SYNE2: variants seen among roughly 807,000 people sequenced by gnomAD.
SYNE2 encodes the protein spectrin repeat containing nuclear envelope protein 2.
A neutral mutation model predicts 856.3 loss-of-function variants in SYNE2; 431 were observed. The ratio of observed to expected loss-of-function variants is 0.50; its 90% confidence interval spans 0.47 to 0.55. The LOEUF (loss-of-function observed/expected upper bound fraction) is 0.55. SYNE2 is among the 20% of genes least tolerant of loss of function. The pLI is 0.00. For synonymous variants in SYNE2, 2,923 were observed against 2,872.3 expected, an observed-to-expected ratio of 1.02 and a Z score of -0.56; for missense variants, 8,129 against 8,023.2, an observed-to-expected ratio of 1.01 and a Z score of -0.50.
At chr14:64,186,872 G>A (rs1334866838) in intron 97 of SYNE2, among the ~76,000 whole-genome samples, 1 of 152,190 alleles carries the variant, frequency 6.6e-6, no homozygotes, top group Admixed American at 6.5e-5. Flanking sequence ...ACTGCTCTCT[G>A]GCTTGTGTAG....
At chr14:63,840,129 G>A (rs1889999733) in intron 1 of SYNE2, among the ~76,000 whole-genome samples, 1 of 152,162 alleles carries the variant, frequency 6.6e-6, no homozygotes, top group African/African-American at 2.4e-5. Context: ...AATTAGCCGG[G>A]CGTGGTGTCA....
intron 55 of SYNE2, among the ~76,000 whole-genome samples, chr14:64,080,044 C>CGTGTGTGT (rs112076744): frequency 2.0e-5 from 3 of 150,406 alleles, no homozygotes; most frequent in African/African-American, 7.3e-5. Flanking sequence ...ATTAAGAGAG[C>CGTGTGTGT]GTGTGTGTGT....
intron 62 of SYNE2, 30 bp downstream of exon 62, chr14:64,098,176 C>T (rs1595500225): frequency 6.2e-7 from 1 of 1,608,756 alleles, no homozygotes; most frequent in Non-Finnish European, 8.5e-7. Context: ...AATGCTGGCC[C>T]CACACTCCAC....
intron 2 of SYNE2, among the ~76,000 whole-genome samples, chr14:63,928,250 G>A (rs1332422539): frequency 3.9e-5 from 6 of 152,104 alleles, no homozygotes; most frequent in Non-Finnish European, 8.8e-5. Context: ...GAGATAGGGC[G>A]GTAGAGTATG....
In SYNE2 at chr14:64,065,488, C is replaced by T. The variant is rs35920722; in HGVS notation, c.10269C>T (p.Ile3423=). 9 of 1,614,010 alleles carry T rather than the reference C, an allele frequency of 5.6e-6. No individual in the cohort carries two copies. The highest frequency in any genetic ancestry group is 1.6e-4 in the Middle Eastern group (1 of 6,062). Residue 3423 remains isoleucine (I), a synonymous_variant, in exon 51 of 116, where the codon ATC becomes ATT. Coordinates refer to ENST00000555002, the MANE Select transcript of SYNE2 (RefSeq NM_182914.3). ...AAGAGTTAATGAAACTACGACAGAT[C>T]CTTAGACTCTTGAGACTCAGGTGCA... The part of the protein sequence containing the change: ...TKEELMKLRQ[I]LRLLRLRCTE...
chr14:64,101,943 G>C lies in SYNE2; in HGVS notation c.12393G>C (p.Glu4131Asp). 1.2e-6 allele frequency: 2 copies of C among 1,613,398 alleles called. No individual in the cohort carries two copies. Among genetic ancestry groups the C allele is most frequent in the Non-Finnish European group, 1.7e-6 (2 of 1,179,364 alleles). Residue 4131 changes from glutamate (E) to aspartate (D), a missense_variant, in exon 64 of 116, where the codon GAG (glutamate) becomes GAC (aspartate). Glu to Asp is a conservative substitution (Grantham distance 45). This residue lies in a region of SYNE2 where 5,410 missense variants were observed against 5,284.8 expected (regional missense o/e 1.02). Coordinates refer to ENST00000555002, the MANE Select transcript of SYNE2 (RefSeq NM_182914.3). ...GTTTACTGTGATAGAATGGAGATGA[G>C]AAGGCAGAGCCATCGCCTCAGTCTT... ...ESSVKSDNGD[E>D]KAEPSPQSWS...
intron 1 of SYNE2, among the ~76,000 whole-genome samples, chr14:63,854,320 C>T (rs1215574498): frequency 6.6e-6 from 1 of 152,154 alleles, no homozygotes; most frequent in Non-Finnish European, 1.5e-5. Context: ...CGGGCTACAC[C>T]TGGCCTTCTC....
chr14:64,154,155 C>T (rs1304999942), intron 85 of SYNE2, among the ~76,000 whole-genome samples: 1 of 139,404 alleles, frequency 7.2e-6, no homozygotes, highest in East Asian at 2.0e-4. Flanking sequence ...CATAGCAAGA[C>T]CCCCATTTGT....
Position 64,212,031 on chromosome 14 carries a change from A to C in SYNE2, c.18794A>C (p.Asp6265Ala). ...ATTCTGGTGTGGCTCACAGAGATGG[A>C]CCTGCAGCTGACCAACGTGGAGCAC... ...ESILVWLTEM[D>A]LQLTNVEHFS... The change falls in exon 104 of 116, where the codon GAC (aspartate) becomes GCC (alanine). Residue 6265 changes from aspartate to alanine, a missense_variant. By Grantham distance (126) the Asp-to-Ala change is moderately radical. This residue lies in a region of SYNE2 where 5,410 missense variants were observed against 5,284.8 expected (regional missense o/e 1.02). Transcript: ENST00000555002. 6.2e-7 allele frequency: 1 copy of C among 1,614,158 alleles called. No individual in the cohort carries two copies. Among genetic ancestry groups the C allele is most frequent in the Non-Finnish European group, 8.5e-7 (1 of 1,180,026 alleles).
At chr14:64,185,392 T>C (rs1243828830) in intron 96 of SYNE2, among the ~76,000 whole-genome samples, 3 of 152,194 alleles carry the variant, frequency 2.0e-5, no homozygotes, top group Non-Finnish European at 4.4e-5. Context: ...TGGTAGACTC[T>C]TGAGTGTTCT....
intron 11 of SYNE2, among the ~76,000 whole-genome samples, chr14:63,970,118 G>C (rs2153457067): frequency 6.6e-6 from 1 of 151,522 alleles, no homozygotes; most frequent in South Asian, 2.1e-4. Flanking sequence ...CATCTATTTG[G>C]AGTCTTTATA....
chr14:63,827,991 G>A (rs1407739849), intron 1 of SYNE2, among the ~76,000 whole-genome samples: 2 of 147,250 alleles, frequency 1.4e-5, no homozygotes, highest in African/African-American at 5.0e-5. Context: ...TCAAGTGTTT[G>A]AGACCAGCCT....
intron 1 of SYNE2, among the ~76,000 whole-genome samples, chr14:63,818,433 C>G (rs2139855491): frequency 6.6e-6 from 1 of 151,536 alleles, no homozygotes; most frequent in Middle Eastern, 3.4e-3. Flanking sequence ...TGGGAGGATC[C>G]TTTGAGGCCA....
intron 115 of SYNE2, 47 bp from the exon 116 acceptor site, chr14:64,225,272 G>T: frequency 6.2e-7 from 1 of 1,613,980 alleles, no homozygotes; most frequent in Non-Finnish European, 8.5e-7. Flanking sequence ...AGAGTGGGTT[G>T]TGCCTGTGGA....
intron 92 of SYNE2, among the ~76,000 whole-genome samples, chr14:64,168,204 A>G (rs753006076): frequency 2.6e-5 from 4 of 152,150 alleles, no homozygotes; most frequent in Non-Finnish European, 4.4e-5. Context: ...CCCAGGCTCA[A>G]GCAATTCTCG....
chr14:64,225,132 TTGCAAAAATC>T (rs915055215), intron 115 of SYNE2, 87 bp downstream of exon 115: 141 of 1,572,520 alleles, frequency 9.0e-5, no homozygotes, highest in Non-Finnish European at 1.2e-4. Flanking sequence ...ATCAAGGTCC[TTGCAAAAATC>T]TGGTTTTCTT....
At position 63,981,043 on chromosome 14, in the gene SYNE2, T is replaced by G; in HGVS notation, c.1706T>G (p.Met569Arg). 6.3e-7 allele frequency: 1 copy of G among 1,582,120 alleles called. No individual in the cohort carries two copies. The highest frequency in any genetic ancestry group is 8.7e-7 in the Non-Finnish European group (1 of 1,151,596). Reference sequence around the variant, plus strand: ...ATGATGGTGAAATCTGATGTTTGTATGTATAGAAAAAATATATATAATGTG... The same window carrying G: ...ATGATGGTGAAATCTGATGTTTGTAGGTATAGAAAAAATATATATAATGTG... ...QYMMVKSDVC[M>R]YRKNIYNVKS... Residue 569 changes from methionine (M) to arginine (R), a missense_variant, in exon 16 of 116, where the codon ATG becomes AGG. This residue lies in a region of SYNE2 where 2,422 missense variants were observed against 2,357.4 expected (regional missense o/e 1.03). Transcript: ENST00000555002.
chr14:63,902,558 G>T (rs928066643), intron 1 of SYNE2, among the ~76,000 whole-genome samples: 6 of 152,126 alleles, frequency 3.9e-5, no homozygotes, highest in African/African-American at 1.4e-4. Context: ...GAATTTACCT[G>T]GGCACAGCCG....
At chr14:64,213,086 C>A (rs748909903) in intron 105 of SYNE2, 81 bp downstream of exon 105, 1 of 1,443,910 alleles carries the variant, frequency 6.9e-7, no homozygotes. Context: ...ATTAGGGGAC[C>A]TGTCTTATAA....
Sources: allele counts gnomAD v4.1 joint callset (sites outside exome capture counted in the v4.1 genomes callset), GRCh38; gene constraint gnomAD v4.1.1; regional missense constraint gnomAD v4.1.1; transcripts MANE v1.5; gene names NCBI Gene and HGNC (gene_info 2026-07-23, HGNC 2026-07-21).